The following SCD5 variants were observed in gnomAD, a reference collection of about 807,000 sequenced individuals.
SCD5 encodes the protein stearoyl-CoA desaturase 5, also known as acyl-CoA-desaturase 4.
In SCD5, 20 loss-of-function variants were observed where a neutral mutation model predicts 30.4. The ratio of observed to expected loss-of-function variants is 0.66; its 90% CI spans 0.46 to 0.96. SCD5 has a LOEUF of 0.96. SCD5 is among the 40% of genes least tolerant of loss of function. The probability of loss-of-function intolerance (pLI) is 0.00; values close to 1 mark genes in which losing one functional copy is unlikely to be tolerated. For missense variants in SCD5, 381 were observed against 443.3 expected (o/e 0.86, Z 1.26); for synonymous variants, 173 against 176.4 (o/e 0.98, Z 0.16).
chr4:82,647,246 A>T (rs1282794306), intron 3 of SCD5, among the ~76,000 whole-genome samples: 2 of 151,956 alleles, frequency 1.3e-5, no homozygotes, highest in East Asian at 3.9e-4. Context: ...TGTTCCCCTG[A>T]TTGTTTTAGC....
At chr4:82,680,139 G>A (rs555666959) in intron 3 of SCD5, among the ~76,000 whole-genome samples, 39 of 152,282 alleles carry the variant, frequency 2.6e-4, no homozygotes, top group African/African-American at 8.2e-4. Context: ...AATGCTGGCC[G>A]ACTGGGTATG....
intron 2 of SCD5, among the ~76,000 whole-genome samples, chr4:82,703,081 T>C (rs1560538313): frequency 6.6e-6 from 1 of 152,160 alleles, no homozygotes; most frequent in Non-Finnish European, 1.5e-5. Context: ...ACAGAAAAGC[T>C]CCATGAAGGC....
intron 1 of SCD5, among the ~76,000 whole-genome samples, chr4:82,794,839 G>C (rs1203511263): frequency 6.6e-6 from 1 of 151,930 alleles, no homozygotes; most frequent in African/African-American, 2.4e-5. Flanking sequence ...TTTTAGTAGA[G>C]ATGGGGTTTC....
chr4:82,744,769 T>G (rs1436475592), intron 1 of SCD5, among the ~76,000 whole-genome samples: 1 of 152,032 alleles, frequency 6.6e-6, no homozygotes, highest in Non-Finnish European at 1.5e-5. Flanking sequence ...TTCGAGAAGT[T>G]ATTGCATAAT....
In SCD5 at chr4:82,680,829, C is replaced by T. The variant is rs1473293644; in HGVS notation, c.447G>A (p.Arg149=). 1.2e-6 allele frequency: 2 copies of T among 1,613,874 alleles called. No individual in the cohort carries two copies. Among genetic ancestry groups the T allele is most frequent in the Admixed American group, 3.3e-5 (2 of 59,968 alleles). Residue 149 remains arginine (R), a synonymous_variant, in exon 3 of 5, where the codon CGG becomes CGA. Transcript: ENST00000319540. ...ETDADPHNAR[R]GFFFSHIGWL... The stretch of plus-strand genomic sequence containing the variant: ...ACCCAATATGGGAGAAGAAGAAGCC[C>T]CGGCGGGCATTGTGGGGGTCAGCAT...
intron 3 of SCD5, among the ~76,000 whole-genome samples, chr4:82,655,082 T>C (rs568846050): frequency 4.6e-5 from 7 of 152,310 alleles, no homozygotes; most frequent in African/African-American, 1.7e-4. Flanking sequence ...CCCTCTGAAA[T>C]TGTGAATCCC....
Position 82,673,705 on chromosome 4 carries a change from TGAA to T in SCD5, c.569+6999_569+7001del, listed in dbSNP as rs1486401834. 2.6e-5 allele frequency among the ~76,000 whole-genome samples: 4 copies of T among 152,228 alleles called. No homozygotes were observed. The East Asian group carries it at 7.7e-4, about 29-fold the overall frequency. ...TGACTCAGAATAGCCAACACAATAT[TGAA>T]GAAGAAGAACAAAGTTGGAAGAGTG... is the stretch of plus-strand genomic sequence containing the variant. On this transcript the variant is annotated intron_variant, in intron 3 of 4. Coordinates refer to ENST00000319540, the MANE Select transcript of SCD5 (RefSeq NM_001037582.3).
intron 1 of SCD5, among the ~76,000 whole-genome samples, chr4:82,781,087 G>T (rs1361696876): frequency 6.6e-6 from 1 of 152,200 alleles, no homozygotes; most frequent in East Asian, 1.9e-4. Flanking sequence ...ACAAGCACCA[G>T]CTAGGGCTTG....
At chr4:82,632,566 TG>T (rs1727318565) in intron 4 of SCD5, among the ~76,000 whole-genome samples, 6 of 152,214 alleles carry the variant, frequency 3.9e-5, no homozygotes, top group Admixed American at 3.9e-4. Context: ...ATGGGATGGC[TG>T]GGTCAAATGG....
intron 2 of SCD5, among the ~76,000 whole-genome samples, chr4:82,690,911 T>C (rs1027904292): frequency 1.3e-5 from 2 of 152,180 alleles, no homozygotes; most frequent in African/African-American, 4.8e-5. Context: ...GTAAATGAAG[T>C]CAACATAAGC....
chr4:82,638,597 G>A (rs987746560), intron 3 of SCD5, among the ~76,000 whole-genome samples: 1 of 152,188 alleles, frequency 6.6e-6, no homozygotes, highest in East Asian at 1.9e-4. Context: ...TTCCAGGTCT[G>A]CTTGGGTCAG....
intron 1 of SCD5, among the ~76,000 whole-genome samples, chr4:82,727,347 C>G (rs1159246401): frequency 6.6e-6 from 1 of 152,192 alleles, no homozygotes; most frequent in Non-Finnish European, 1.5e-5. Flanking sequence ...GGTGTGTACC[C>G]TGGTCTACCC....
intron 1 of SCD5, among the ~76,000 whole-genome samples, chr4:82,784,090 T>G (rs1360441093): frequency 6.6e-6 from 1 of 152,108 alleles, no homozygotes; most frequent in Non-Finnish European, 1.5e-5. Context: ...CGAATCTGGA[T>G]AGAGTCTACG....
At chr4:82,786,551 G>A (rs1721991671) in intron 1 of SCD5, among the ~76,000 whole-genome samples, 1 of 152,142 alleles carries the variant, frequency 6.6e-6, no homozygotes, top group Non-Finnish European at 1.5e-5. Flanking sequence ...TGTAATGCCA[G>A]CACTTTGGGA....
At chr4:82,639,838 A>T (rs557983799) in intron 3 of SCD5, among the ~76,000 whole-genome samples, 1 of 152,364 alleles carries the variant, frequency 6.6e-6, no homozygotes, top group African/African-American at 2.4e-5. Flanking sequence ...TCTTTGGATT[A>T]CAACCCAGGC....
At chr4:82,726,581 C>T (rs1208074233) in intron 1 of SCD5, among the ~76,000 whole-genome samples, 4 of 149,950 alleles carry the variant, frequency 2.7e-5, no homozygotes, top group Non-Finnish European at 1.5e-5. Flanking sequence ...TAAATAGAGA[C>T]CTGCACTAAG....
At chr4:82,657,494 T>C (rs1727887912) in intron 3 of SCD5, among the ~76,000 whole-genome samples, 1 of 152,216 alleles carries the variant, frequency 6.6e-6, no homozygotes. Context: ...CTGTTTCAGT[T>C]ACTGTAGCCT....
At chr4:82,792,439 G>A (rs535680066) in intron 1 of SCD5, among the ~76,000 whole-genome samples, 115 of 151,526 alleles carry the variant, frequency 7.6e-4, no homozygotes, top group Middle Eastern at 3.5e-3. Flanking sequence ...TCCAGGCACC[G>A]TGGCTCATGC....
In SCD5 at chr4:82,681,616, C is replaced by T. The variant is rs138514836; in HGVS notation, c.364-704G>A. 1.1e-4 allele frequency among the ~76,000 whole-genome samples: 17 copies of T among 152,148 alleles called. No homozygotes were observed. In the East Asian group the frequency reaches 3.3e-3, roughly 29 times the overall value. ...TGGACACATAGGGGAACAAAACATC[C>T]TGGGGCTATCAAGGGTGGAGGGTGG... is the stretch of plus-strand genomic sequence containing the variant. On this transcript the variant is annotated intron_variant, in intron 2 of 4. Transcript: ENST00000319540.
Sources: gnomAD v4.1 joint callset for allele counts (sites outside exome capture counted in the v4.1 genomes callset) on GRCh38, gnomAD v4.1.1 for gene constraint, MANE v1.5 for transcripts, NCBI Gene and HGNC (gene_info 2026-07-23, HGNC 2026-07-21) for gene names.